Variants in NCOA3 observed in about 807,000 individuals in gnomAD.
NCOA3 encodes the protein CBP-interacting protein.
Under a neutral mutation model 158.8 loss-of-function variants are expected in NCOA3, and 51 were observed. The ratio of observed to expected loss-of-function variants is 0.32; its 90% CI spans 0.26 to 0.41. The LOEUF is 0.41. Ranked by LOEUF, NCOA3 falls within the 10% of genes least tolerant of loss-of-function variation. The probability of loss-of-function intolerance (pLI) is 1.00; values close to 1 mark genes in which losing one functional copy is unlikely to be tolerated. For missense variants in NCOA3, 1,510 were observed against 1,746.6 expected (o/e 0.86, Z 2.41); for synonymous variants, 537 against 592.4 (o/e 0.91, Z 1.36).
At chr20:47,642,948 T>C (rs2086633977) in intron 17 of NCOA3, among the ~76,000 whole-genome samples, 1 of 152,254 alleles carries the variant, frequency 6.6e-6, no homozygotes, top group Non-Finnish European at 1.5e-5. Flanking sequence ...TCTCGCTCTG[T>C]CAACCAGGCT....
chr20:47,627,433 C>A, intron 6 of NCOA3, 128 bp from the exon 7 acceptor site: 1 of 771,554 alleles, frequency 1.3e-6, no homozygotes, highest in Non-Finnish European at 2.1e-6. Context: ...TATTGCCAGC[C>A]TGAAATGTTA....
intron 1 of NCOA3, among the ~76,000 whole-genome samples, chr20:47,504,770 C>A (rs888180893): frequency 6.7e-6 from 1 of 150,216 alleles, no homozygotes; most frequent in African/African-American, 2.4e-5. Context: ...CACCACTGCA[C>A]TCCAGCCTGG....
chr20:47,653,342 T>G, intron 22 of NCOA3, 64 bp from the exon 23 acceptor site: 1 of 1,569,216 alleles, frequency 6.4e-7, no homozygotes, highest in South Asian at 1.1e-5. Context: ...GGTATTTTTT[T>G]GTTGTGCAAA....
At chr20:47,534,123 T>C (rs2425946) in intron 1 of NCOA3, among the ~76,000 whole-genome samples, 22,947 of 141,772 alleles carry the variant, frequency 0.16, 2,834 homozygotes, top group African/African-American at 0.34. Context: ...GGGCGGGGGG[T>C]GAAGAGGGAA....
chr20:47,528,512 C>T (rs1197072483), intron 1 of NCOA3, among the ~76,000 whole-genome samples: 2 of 152,124 alleles, frequency 1.3e-5, no homozygotes, highest in South Asian at 2.1e-4. Flanking sequence ...CTCTCTAACC[C>T]TCACTGAAAA....
chr20:47,583,248 G>A lies in NCOA3; in HGVS notation c.-33G>A, dbSNP rs955736833. ...AAAATAAACTGCTTGAACATCCTTTGACTGGTTAGCCAGGTAATTCAGCTT... is the reference window on the plus strand; with the variant it reads ...AAAATAAACTGCTTGAACATCCTTTAACTGGTTAGCCAGGTAATTCAGCTT... On this transcript the variant is annotated 5_prime_UTR_variant, in exon 2 of 23. Coordinates refer to ENST00000371998, the MANE Select transcript of NCOA3 (RefSeq NM_181659.3). 1.8e-5 allele frequency: 7 copies of A among 398,568 alleles called. No individual in the cohort carries two copies. In the Admixed American group the frequency reaches 3.1e-4, roughly 18 times the overall value. The allele number at this position is 398,568 out of a possible 1,614,324, so 24.7% of individuals were successfully genotyped here.
intron 1 of NCOA3, among the ~76,000 whole-genome samples, chr20:47,528,969 G>T (rs2425944): frequency 0.023 from 3,464 of 152,082 alleles, 133 homozygotes; most frequent in African/African-American, 0.079. Context: ...GTTTCTCCAC[G>T]TTGGTCAGGC....
chr20:47,519,514 A>G (rs964695346), intron 1 of NCOA3, among the ~76,000 whole-genome samples: 2 of 152,226 alleles, frequency 1.3e-5, no homozygotes, highest in African/African-American at 4.8e-5. Flanking sequence ...CCCAACAACT[A>G]GACTAGAAAG....
At chr20:47,649,350 G>A (rs2086743928) in intron 19 of NCOA3, among the ~76,000 whole-genome samples, 1 of 152,016 alleles carries the variant, frequency 6.6e-6, no homozygotes, top group Admixed American at 6.6e-5. Context: ...TTTTTAATTG[G>A]TTCCCTTTGT....
At chr20:47,634,256 T>A in intron 10 of NCOA3, 61 bp downstream of exon 10, 2 of 1,501,658 alleles carry the variant, frequency 1.3e-6, no homozygotes, top group South Asian at 1.3e-5. Context: ...AAATGCTTTA[T>A]TATTAAAGTA....
At chr20:47,563,036 A>G (rs1374738367) in intron 1 of NCOA3, among the ~76,000 whole-genome samples, 2 of 152,198 alleles carry the variant, frequency 1.3e-5, no homozygotes, top group East Asian at 3.8e-4. Flanking sequence ...GTGAGCCAAC[A>G]CGCCTGGCTA....
chr20:47,520,454 C>A (rs986446853), intron 1 of NCOA3, among the ~76,000 whole-genome samples: 1 of 152,204 alleles, frequency 6.6e-6, no homozygotes, highest in Non-Finnish European at 1.5e-5. Context: ...CTCTTTCTTC[C>A]CCTGAGAAGA....
intron 19 of NCOA3, 111 bp from the exon 20 acceptor site, chr20:47,650,871 A>T: frequency 9.8e-7 from 1 of 1,023,872 alleles, no homozygotes; most frequent in Non-Finnish European, 1.5e-6. Context: ...AAAAAAAAGA[A>T]GGCCCTGGGT....
At chr20:47,560,606 T>C (rs2146179203) in intron 1 of NCOA3, among the ~76,000 whole-genome samples, 1 of 152,302 alleles carries the variant, frequency 6.6e-6, no homozygotes, top group Admixed American at 6.5e-5. Flanking sequence ...AGGTATGTCG[T>C]AGTATCTCAT....
chr20:47,513,339 A>T (rs759964142), intron 1 of NCOA3, among the ~76,000 whole-genome samples: 46 of 152,194 alleles, frequency 3.0e-4, no homozygotes, highest in Non-Finnish European at 5.6e-4. Context: ...ACATATGAGG[A>T]TATTTACTTC....
intron 1 of NCOA3, among the ~76,000 whole-genome samples, chr20:47,571,584 AT>A (rs35340346): frequency 8.6e-5 from 13 of 150,390 alleles, no homozygotes; most frequent in East Asian, 4.0e-4. Flanking sequence ...AATATTTTGA[AT>A]TTTTTTTTGG....
Position 47,639,105 on chromosome 20 carries a change from A to G in NCOA3, c.2610A>G (p.Val870=). 1.2e-6 allele frequency: 2 copies of G among 1,614,160 alleles called. No homozygotes were observed. Among genetic ancestry groups the G allele is most frequent in the Non-Finnish European group, 1.7e-6 (2 of 1,179,996 alleles). ...SPVSVGSSPP[V]KNISAFPMLP... is the part of the protein sequence containing the mutation. ...TTTCTGTTGGCTCAAGTCCTCCAGT[A>G]AAAAATATCAGTGCTTTCCCCATGT... is the stretch of plus-strand genomic sequence containing the variant. Residue 870 remains valine, a synonymous_variant, in exon 14 of 23, where the codon GTA becomes GTG. Coordinates refer to ENST00000371998, the MANE Select transcript of NCOA3 (RefSeq NM_181659.3).
chr20:47,594,515 A>G (rs1263122305), intron 2 of NCOA3, among the ~76,000 whole-genome samples: 2 of 151,484 alleles, frequency 1.3e-5, no homozygotes, highest in East Asian at 2.0e-4. Flanking sequence ...ATACAAAACA[A>G]TTAGCCTGGC....
At chr20:47,607,576 ATC>A (rs1568721783) in intron 2 of NCOA3, among the ~76,000 whole-genome samples, 3 of 152,192 alleles carry the variant, frequency 2.0e-5, no homozygotes, top group South Asian at 4.1e-4. Flanking sequence ...TTCTCTGGGT[ATC>A]TCTCATGGAT....
Sources: allele counts gnomAD v4.1 joint callset (sites outside exome capture counted in the v4.1 genomes callset), GRCh38; gene constraint gnomAD v4.1.1; transcripts MANE v1.5; gene names NCBI Gene and HGNC (gene_info 2026-07-23, HGNC 2026-07-21).